NDST3: variants seen among roughly 807,000 people sequenced by gnomAD.
NDST3 encodes the protein N-deacetylase and N-sulfotransferase 3.
A neutral mutation model predicts 96.1 loss-of-function variants in NDST3; 58 were observed. The ratio of observed to expected loss-of-function variants is 0.60; its 90% CI spans 0.49 to 0.75. NDST3 has a LOEUF of 0.75. Among genes scored for constraint, NDST3 ranks in the 30% least tolerant of loss-of-function variants. The pLI, the probability that NDST3 is intolerant of heterozygous loss-of-function variation, is 0.00. For missense variants in NDST3, 788 were observed against 1,034.2 expected (o/e 0.76, Z 3.27); for synonymous variants, 333 against 359.7 (o/e 0.93, Z 0.84).
chr4:118,081,127 T>C (rs1473507086), intron 2 of NDST3, among the ~76,000 whole-genome samples: 1 of 152,166 alleles, frequency 6.6e-6, no homozygotes, highest in African/African-American at 2.4e-5. Flanking sequence ...TCATGGAGTT[T>C]GAAAAGGTCT....
In NDST3 at chr4:118,184,449, T is replaced by C. The variant is rs538237896; in HGVS notation, c.1540-40042T>C. ...AGGAAATTCTCCCAGCAGATTGTGC[T>C]TGGACTCAAACTGCAACTCTTCTCT... On this transcript the variant is annotated intron_variant, in intron 6 of 13. Coordinates refer to ENST00000296499, the MANE Select transcript of NDST3 (RefSeq NM_004784.3). 1.1e-3 allele frequency among the ~76,000 whole-genome samples: 168 copies of C among 152,220 alleles called. 1 individual carries two copies. The highest frequency in any genetic ancestry group is 1.5e-3 in the Non-Finnish European group (100 of 68,006).
chr4:118,048,841 T>C (rs1192133246), intron 1 of NDST3, among the ~76,000 whole-genome samples: 1 of 151,824 alleles, frequency 6.6e-6, no homozygotes, highest in Non-Finnish European at 1.5e-5. Context: ...ACTAATAAAC[T>C]CCGGACTTAA....
chr4:118,143,523 A>G, intron 5 of NDST3, 33 bp from the exon 6 acceptor site: 1 of 1,583,438 alleles, frequency 6.3e-7, no homozygotes, highest in African/African-American at 1.4e-5. Context: ...GAAAAAAAAA[A>G]GCTTTTCCTT....
At chr4:118,103,080 T>C (rs575666145) in intron 2 of NDST3, among the ~76,000 whole-genome samples, 212 of 152,100 alleles carry the variant, frequency 1.4e-3, no homozygotes, top group Non-Finnish European at 2.6e-3. Flanking sequence ...TTCTTATATA[T>C]AGTTTTTCTT....
chr4:118,155,443 T>G (rs1382182663), intron 6 of NDST3, among the ~76,000 whole-genome samples: 2 of 152,208 alleles, frequency 1.3e-5, no homozygotes, highest in Non-Finnish European at 2.9e-5. Flanking sequence ...CCAGGGTTGG[T>G]TCTTGCCTTG....
chr4:118,068,676 C>G (rs1452724588), intron 2 of NDST3, among the ~76,000 whole-genome samples: 1 of 152,034 alleles, frequency 6.6e-6, no homozygotes, highest in Non-Finnish European at 1.5e-5. Context: ...TAGAAATGCA[C>G]ATTTGGGGAA....
chr4:118,226,484 A>C (rs1739888623), intron 7 of NDST3, among the ~76,000 whole-genome samples: 3 of 152,230 alleles, frequency 2.0e-5, no homozygotes, highest in Admixed American at 2.0e-4. Flanking sequence ...GCTCAAAGTT[A>C]CTTAGAATAA....
intron 12 of NDST3, among the ~76,000 whole-genome samples, chr4:118,249,865 C>T (rs74640771): frequency 0.056 from 8,507 of 151,998 alleles, 462 homozygotes; most frequent in African/African-American, 0.14. Flanking sequence ...TACAGTTGTA[C>T]GTACCACCAG....
chr4:118,101,777 T>C (rs1203017927), intron 2 of NDST3, among the ~76,000 whole-genome samples: 3 of 152,130 alleles, frequency 2.0e-5, no homozygotes, highest in Non-Finnish European at 4.4e-5. Context: ...CATAACTACA[T>C]AAGTATGTGT....
At chr4:118,154,337 G>A (rs1734596897) in intron 6 of NDST3, among the ~76,000 whole-genome samples, 1 of 152,168 alleles carries the variant, frequency 6.6e-6, no homozygotes, top group Non-Finnish European at 1.5e-5. Context: ...ATCTGTGTGT[G>A]TTTCATCTTT....
intron 6 of NDST3, among the ~76,000 whole-genome samples, chr4:118,220,768 A>G (rs1478823590): frequency 6.6e-6 from 1 of 152,016 alleles, no homozygotes; most frequent in Non-Finnish European, 1.5e-5. Flanking sequence ...GGCACTTACC[A>G]AGCTGTTTTT....
chr4:118,038,141 G>A (rs960597340), intron 1 of NDST3, among the ~76,000 whole-genome samples: 1 of 152,134 alleles, frequency 6.6e-6, no homozygotes, highest in Non-Finnish European at 1.5e-5. Context: ...CCTAAAAGCT[G>A]CATTGTCAGC....
At chr4:118,072,400 T>G (rs1727155586) in intron 2 of NDST3, among the ~76,000 whole-genome samples, 1 of 152,140 alleles carries the variant, frequency 6.6e-6, no homozygotes, top group Admixed American at 6.6e-5. Flanking sequence ...GTTTTTGGTT[T>G]CTTTCAACAG....
intron 4 of NDST3, among the ~76,000 whole-genome samples, chr4:118,119,358 C>T (rs1731363855): frequency 6.6e-6 from 1 of 152,110 alleles, no homozygotes; most frequent in Non-Finnish European, 1.5e-5. Flanking sequence ...AATTAGTTTG[C>T]TTGCCAGCTA....
chr4:118,058,006 T>G (rs1302672319), intron 2 of NDST3, among the ~76,000 whole-genome samples: 1 of 151,888 alleles, frequency 6.6e-6, no homozygotes, highest in Non-Finnish European at 1.5e-5. Flanking sequence ...AATCATGAGG[T>G]CTAAAAAAAT....
chr4:118,251,143 T>TTTTA, intron 12 of NDST3, among the ~76,000 whole-genome samples: 1 of 145,824 alleles, frequency 6.9e-6, no homozygotes, highest in Admixed American at 6.8e-5. Flanking sequence ...TTTTTTTTTT[T>TTTTA]TGAGACGGAG....
chr4:118,234,702 T>C (rs1475335539), intron 9 of NDST3, among the ~76,000 whole-genome samples: 1 of 151,922 alleles, frequency 6.6e-6, no homozygotes, highest in Admixed American at 6.6e-5. Flanking sequence ...CAAAAATATA[T>C]TTTGGTCATC....
Position 118,066,220 on chromosome 4 carries a change from T to C in NDST3, c.981+11329T>C, listed in dbSNP as rs1236258279. ...ATTATATTTTATATATTATACATAA[T>C]ATATTATATATATTATATATTATAT... On this transcript the variant is annotated intron_variant, in intron 2 of 13. Coordinates refer to ENST00000296499, the MANE Select transcript of NDST3 (RefSeq NM_004784.3). 3.4e-3 allele frequency among the ~76,000 whole-genome samples: 234 copies of C among 68,004 alleles called. 1 individual carries two copies. The highest frequency in any genetic ancestry group is 0.013 in the African/African-American group (228 of 17,338). 44.6% of individuals were successfully genotyped at this position (68,004 alleles called of 152,430 possible). A position where few individuals can be genotyped will look rare whatever the true frequency, so the allele number is the denominator to read the frequency against.
chr4:118,075,790 T>C (rs1001721992), intron 2 of NDST3, among the ~76,000 whole-genome samples: 4 of 152,252 alleles, frequency 2.6e-5, no homozygotes, highest in Non-Finnish European at 4.4e-5. Flanking sequence ...TTGTAGATTC[T>C]GGATATTAGC....
Sources: allele counts gnomAD v4.1 joint callset (sites outside exome capture counted in the v4.1 genomes callset), GRCh38; gene constraint gnomAD v4.1.1; transcripts MANE v1.5; gene names NCBI Gene and HGNC (gene_info 2026-07-23, HGNC 2026-07-21).